The following MFHAS1 variants were observed in gnomAD, a reference collection of about 807,000 sequenced individuals.
The protein encoded by MFHAS1 is multifunctional ROCO family signaling regulator 1.
In MFHAS1, 50 loss-of-function variants were observed where a neutral mutation model predicts 70.4. The observed-to-expected ratio is 0.71, with a 90% CI of 0.57 to 0.90. The LOEUF is 0.90. MFHAS1 is among the 40% of genes least tolerant of loss of function. The pLI is 0.00. For missense variants in MFHAS1, 1,795 were observed against 1,347.6 expected, an observed-to-expected ratio of 1.33 and a Z score of -5.20; for synonymous variants, 952 against 620.0, an observed-to-expected ratio of 1.54 and a Z score of -7.96.
chr8:8,836,318 G>A (rs1441161731), intron 1 of MFHAS1, among the ~76,000 whole-genome samples: 1 of 152,124 alleles, frequency 6.6e-6, no homozygotes, highest in African/African-American at 2.4e-5. Context: ...TCTGTGAGTT[G>A]TAATTATCAA....
At chr8:8,865,676 T>A (rs191888619) in intron 1 of MFHAS1, among the ~76,000 whole-genome samples, 2 of 152,226 alleles carry the variant, frequency 1.3e-5, no homozygotes, top group Non-Finnish European at 2.9e-5. Flanking sequence ...AAGGTGAGGC[T>A]CCTATAACTT....
At chr8:8,872,083 G>C (rs1286606738) in intron 1 of MFHAS1, among the ~76,000 whole-genome samples, 1 of 152,236 alleles carries the variant, frequency 6.6e-6, no homozygotes, top group Non-Finnish European at 1.5e-5. Context: ...TGCCCGGATG[G>C]CAAGCATTAT....
At chr8:8,861,645 A>T (rs1209437168) in intron 1 of MFHAS1, among the ~76,000 whole-genome samples, 3 of 152,220 alleles carry the variant, frequency 2.0e-5, no homozygotes, top group Non-Finnish European at 4.4e-5. Flanking sequence ...GCATTTTGAC[A>T]GATATAGTCT....
chr8:8,810,507 C>T (rs1045593852), intron 1 of MFHAS1, among the ~76,000 whole-genome samples: 5 of 152,224 alleles, frequency 3.3e-5, no homozygotes, highest in Non-Finnish European at 7.3e-5. Context: ...CTTCCTCCTC[C>T]TCAGCTCACT....
At chr8:8,854,976 C>T (rs1374399566) in intron 1 of MFHAS1, among the ~76,000 whole-genome samples, 2 of 152,052 alleles carry the variant, frequency 1.3e-5, no homozygotes, top group Non-Finnish European at 1.5e-5. Flanking sequence ...GTGATACTAT[C>T]ACAGCTCACT....
intron 1 of MFHAS1, among the ~76,000 whole-genome samples, chr8:8,833,354 G>C (rs973891495): frequency 6.6e-6 from 1 of 152,194 alleles, no homozygotes; most frequent in African/African-American, 2.4e-5. Flanking sequence ...CATGGGCTGA[G>C]TGCAGTGATT....
Position 8,893,042 on chromosome 8 carries a change from C to G in MFHAS1, c.17G>C (p.Ser6Thr), listed in dbSNP as rs761758553. Reference protein sequence around the residue: MAGMDSGNLKTARLWR... With the variant: MAGMDTGNLKTARLWR... ...CAGCCTCGCGGTCTTCAGGTTGCCA[C>G]TGTCCATCCCAGCCATGGCGGGGCC... is the stretch of plus-strand genomic sequence containing the variant. The change falls in exon 1 of 3, where the codon AGT (serine) becomes ACT (threonine). Residue 6 changes from serine to threonine, a missense_variant. Physicochemically the swap from Ser to Thr is moderately conservative, Grantham distance 58 (BLOSUM62 1). Coordinates refer to ENST00000276282, the MANE Select transcript of MFHAS1 (RefSeq NM_004225.3). The G allele has an allele frequency of 1.1e-5, 16 of 1,515,704 alleles. 1 individual carries two copies. In the South Asian group the frequency reaches 1.8e-4, roughly 17 times the overall value. The allele number at this position is 1,515,704 out of a possible 1,614,324, so 93.9% of individuals were successfully genotyped here.
At chr8:8,836,783 T>C (rs1191345099) in intron 1 of MFHAS1, among the ~76,000 whole-genome samples, 1 of 152,224 alleles carries the variant, frequency 6.6e-6, no homozygotes, top group Non-Finnish European at 1.5e-5. Context: ...CTTCCTTTAG[T>C]TTCCTTTCTG....
chr8:8,868,060 T>C (rs958823131), intron 1 of MFHAS1, among the ~76,000 whole-genome samples: 44 of 152,198 alleles, frequency 2.9e-4, no homozygotes, highest in African/African-American at 9.2e-4. Context: ...CTGACTTTTA[T>C]CATTTATTAT....
intron 1 of MFHAS1, among the ~76,000 whole-genome samples, chr8:8,829,141 C>A (rs1807274088): frequency 6.6e-6 from 1 of 152,138 alleles, no homozygotes; most frequent in Non-Finnish European, 1.5e-5. Flanking sequence ...TTTTCAGGGA[C>A]CCCAATACGT....
rs759276621 is a variant in MFHAS1, at chr8:8,891,970, C to T, written c.1089G>A (p.Gln363=). 1 of 1,612,370 alleles carries T rather than the reference C, an allele frequency of 6.2e-7. No individual in the cohort carries two copies. The highest frequency in any genetic ancestry group is 1.7e-5 in the Admixed American group (1 of 59,924). Residue 363 remains glutamine (Q), a synonymous_variant, in exon 1 of 3, where the codon CAG becomes CAA. Coordinates refer to ENST00000276282, the MANE Select transcript of MFHAS1 (RefSeq NM_004225.3). This position sits in a 1 kb window ranked among gnomAD's most constrained non-coding sequence, Gnocchi z 5.4. The part of the protein sequence containing the change: ...QIAVLPDHFG[Q]LSRVGLWKIK... ...TCTTCCACAAACCCACCCGGGAGAG[C>T]TGGCCAAAGTGGTCGGGCAGCACCG...
chr8:8,848,637 A>T (rs1808122012), intron 1 of MFHAS1, among the ~76,000 whole-genome samples: 1 of 152,222 alleles, frequency 6.6e-6, no homozygotes, highest in Non-Finnish European at 1.5e-5. Context: ...TTAAACAATC[A>T]GATCTCGCAA....
chr8:8,885,924 C>G (rs1809734628), intron 1 of MFHAS1, among the ~76,000 whole-genome samples: 1 of 152,136 alleles, frequency 6.6e-6, no homozygotes, highest in Non-Finnish European at 1.5e-5. Flanking sequence ...GTTGACCAGG[C>G]TAGGATGTTG....
chr8:8,843,539 C>T (rs1807919642), intron 1 of MFHAS1, among the ~76,000 whole-genome samples: 1 of 152,172 alleles, frequency 6.6e-6, no homozygotes, highest in African/African-American at 2.4e-5. Context: ...GGTGATCATG[C>T]CACTGCATGC....
At position 8,890,713 on chromosome 8, in the gene MFHAS1, G is replaced by A. The variant is rs1809970767; in HGVS notation, c.2346C>T (p.Ala782=). Residue 782 remains alanine (A), a synonymous_variant, in exon 1 of 3, where the codon GCC becomes GCT. Transcript: ENST00000276282. ...CCTCCACATACTGATGGAGCTGGGT[G>A]GCCCGGAGCAGTTCCTGGCTGGGGG... ...RSTPSQELLR[A]TQLHQYVEGF... is the part of the protein sequence containing the mutation. The A allele has an allele frequency of 1.2e-6, 2 of 1,613,628 alleles. No individual in the cohort carries two copies. Among genetic ancestry groups the A allele is most frequent in the Non-Finnish European group, 1.7e-6 (2 of 1,179,740 alleles).
intron 1 of MFHAS1, among the ~76,000 whole-genome samples, chr8:8,812,415 G>A (rs549787288): frequency 6.6e-6 from 1 of 152,196 alleles, no homozygotes; most frequent in East Asian, 1.9e-4. Context: ...CTTTCTTTCT[G>A]CAATTCTCTC....
At position 8,892,923 on chromosome 8, in the gene MFHAS1, C is replaced by A. The variant is rs1451236006; in HGVS notation, c.136G>T (p.Asp46Tyr). 9.0e-6 allele frequency: 14 copies of A among 1,548,962 alleles called. No individual in the cohort carries two copies. Among genetic ancestry groups the A allele is most frequent in the Non-Finnish European group, 1.2e-5 (14 of 1,150,700 alleles). ...GGGGAGGCGGGGGACTCGAGCGCGT[C>A]GGCCCCGGCCCCGGGGCAGGCCCCG... ...AAGACPGAGA[D>Y]ALESPASPQL... Residue 46 changes from aspartate to tyrosine, a missense_variant, in exon 1 of 3, where the codon GAC becomes TAC. Transcript: ENST00000276282. The surrounding 1 kb of genome is among the most constrained non-coding windows in gnomAD (Gnocchi z 4.7).
At chr8:8,884,322 C>G (rs1464209962) in intron 1 of MFHAS1, among the ~76,000 whole-genome samples, 1 of 151,942 alleles carries the variant, frequency 6.6e-6, no homozygotes, top group Non-Finnish European at 1.5e-5. Flanking sequence ...AGTTCAGAGG[C>G]CTATTCATAA....
rs555908939 is a variant in MFHAS1 at position 8,787,238 on chromosome 8, A to G, written c.3126-1183T>C. ...TAGGACTACATGTGCCCGCCACCAC[A>G]CGCGGCTAATTTTTTGCATTTTTAG... On this transcript the variant is annotated intron_variant, in intron 2 of 2. Transcript: ENST00000276282. 3.7e-4 allele frequency among the ~76,000 whole-genome samples: 57 copies of G among 152,088 alleles called. 1 individual carries two copies. Among genetic ancestry groups the G allele is most frequent in the African/African-American group, 9.4e-4 (39 of 41,474 alleles).
Sources: allele counts gnomAD v4.1 joint callset (sites outside exome capture counted in the v4.1 genomes callset), GRCh38; gene constraint gnomAD v4.1.1; non-coding constraint Gnocchi (gnomAD v3.1); transcripts MANE v1.5; gene names NCBI Gene and HGNC (gene_info 2026-07-23, HGNC 2026-07-21).